Variants in GALK2 observed in about 807,000 individuals in gnomAD.
GALK2 encodes the protein N-acetylgalactosamine kinase.
In GALK2, 36 loss-of-function variants were observed where a neutral mutation model predicts 52.4. The observed-to-expected ratio is 0.69, with a 90% confidence interval of 0.53 to 0.91. The LOEUF (loss-of-function observed/expected upper bound fraction) is 0.91, where lower values mean the gene tolerates loss of function less well. Among genes scored for constraint, GALK2 ranks in the 40% least tolerant of loss-of-function variants. GALK2 has a pLI of 0.00. For synonymous variants in GALK2, 176 were observed against 199.1 expected (o/e 0.88, Z 0.98); for missense variants, 579 against 559.1 (o/e 1.04, Z -0.36).
chr15:49,358,482 T>C (rs895593901), intron 3 of GALK2, among the ~76,000 whole-genome samples: 1 of 144,574 alleles, frequency 6.9e-6, no homozygotes, highest in Non-Finnish European at 1.5e-5. Context: ...GAACTCCCAT[T>C]CACAATTGCT....
At chr15:49,209,858 T>G (rs1033943963) in intron 2 of GALK2, among the ~76,000 whole-genome samples, 1 of 152,230 alleles carries the variant, frequency 6.6e-6, no homozygotes, top group Non-Finnish European at 1.5e-5. Context: ...TAGAATAGTT[T>G]CAAAGAATTC....
At chr15:49,228,929 A>G (rs2090348711) in intron 3 of GALK2, among the ~76,000 whole-genome samples, 1 of 151,508 alleles carries the variant, frequency 6.6e-6, no homozygotes, top group Admixed American at 6.6e-5. Context: ...TGCTGACCTC[A>G]AGTGATCTGC....
At chr15:49,367,303 T>G (rs932951654) in intron 3 of GALK2, 1 of 681,346 alleles carries the variant, frequency 1.5e-6, no homozygotes, top group Non-Finnish European at 2.2e-6. Flanking sequence ...CTACCAAAGT[T>G]TTAAGCATAA....
intron 2 of GALK2, among the ~76,000 whole-genome samples, chr15:49,205,949 T>G (rs1426738269): frequency 6.6e-6 from 1 of 152,232 alleles, no homozygotes. Context: ...CTCCCACATG[T>G]GGCTAGCCAG....
chr15:49,180,318 G>A (rs902322270), intron 1 of GALK2, among the ~76,000 whole-genome samples: 1 of 152,014 alleles, frequency 6.6e-6, no homozygotes, highest in South Asian at 2.1e-4. Flanking sequence ...AGGCTAGCAG[G>A]ATTATCTAAA....
intron 1 of GALK2, among the ~76,000 whole-genome samples, chr15:49,183,844 A>AG (rs2086153044): frequency 6.7e-6 from 1 of 149,654 alleles, no homozygotes; most frequent in Admixed American, 6.7e-5. Context: ...ACTTTGTCTC[A>AG]GAAAAAAAAA....
chr15:49,197,386 C>G (rs1320200402), intron 1 of GALK2, among the ~76,000 whole-genome samples: 1 of 152,018 alleles, frequency 6.6e-6, no homozygotes, highest in African/African-American at 2.4e-5. Flanking sequence ...TCAGTTCTGT[C>G]ATATTATTTT....
intron 3 of GALK2, among the ~76,000 whole-genome samples, chr15:49,361,569 A>T (rs1442627732): frequency 6.6e-6 from 1 of 152,166 alleles, no homozygotes; most frequent in Non-Finnish European, 1.5e-5. Context: ...GCTGCAAAGG[A>T]CATGATCTTG....
chr15:49,265,552 G>A (rs986519007), intron 5 of GALK2, among the ~76,000 whole-genome samples: 7 of 152,224 alleles, frequency 4.6e-5, no homozygotes, highest in Non-Finnish European at 8.8e-5. Flanking sequence ...GCCCTGTTTT[G>A]GCTCGCGCGC....
chr15:49,346,188 C>T (rs1421519186), intron 3 of GALK2, among the ~76,000 whole-genome samples: 1 of 152,122 alleles, frequency 6.6e-6, no homozygotes, highest in Admixed American at 6.5e-5. Context: ...GAAACTTGGG[C>T]CAGCTCCTGT....
Position 49,366,599 on chromosome 15 carries a change from AT to A in GALK2, c.427-890del, listed in dbSNP as rs1028950662. On this transcript the variant is annotated intron_variant, in intron 3 of 3. Transcript: ENST00000558399. Reference sequence around the variant, plus strand: ...TGTGCCATTTCCAGACGCATGCAAGATTGCTTCCTGAGCGGCTGTCAGCTGG... The same window carrying A: ...TGTGCCATTTCCAGACGCATGCAAGATGCTTCCTGAGCGGCTGTCAGCTGG... 2.5e-6 allele frequency: 4 copies of A among 1,600,786 alleles called. No individual in the cohort carries two copies. In the Admixed American group the frequency reaches 6.7e-5, roughly 27 times the overall value.
chr15:49,165,298 A>AAATCTTCAT (rs2084783465), upstream of GALK2, among the ~76,000 whole-genome samples: 1 of 152,236 alleles, frequency 6.6e-6, no homozygotes, highest in African/African-American at 2.4e-5. Context: ...ATGGTTTTTA[A>AAATCTTCAT]AATCTTCATA....
Position 49,235,910 on chromosome 15 carries a change from A to G in GALK2, c.326A>G (p.Asn109Ser), listed in dbSNP as rs1191813096. 1.9e-6 allele frequency: 3 copies of G among 1,613,126 alleles called. No homozygotes were observed. The highest frequency in any genetic ancestry group is 2.2e-5 in the South Asian group (2 of 91,070). The change falls in exon 4 of 10, where the codon AAC (asparagine) becomes AGC (serine). Residue 109 changes from asparagine to serine, a missense_variant. Coordinates refer to ENST00000560031, the MANE Select transcript of GALK2 (RefSeq NM_002044.4). ...QIDKTKPLWH[N>S]YFLCGLKGIQ... ...GATAAAACCAAGCCTTTGTGGCACA[A>G]CTATTTCTTATGTGGACTTAAAGGA... is the stretch of plus-strand genomic sequence containing the variant.
chr15:49,359,397 A>G lies in GALK2; in HGVS notation c.427-8094A>G, dbSNP rs375993109. Among the ~76,000 whole-genome samples the G allele has an allele frequency of 3.4e-5, 4 of 117,376 alleles. 1 individual carries two copies. Among genetic ancestry groups the G allele is most frequent in the Non-Finnish European group, 7.5e-5 (4 of 53,404 alleles). The allele number at this position is 117,376 out of a possible 152,430, so 77.0% of individuals were successfully genotyped here. ...AAACTCAAACAAATTTACAAGAAAA[A>G]AACAAACAACCCCATCAAATAGTGG... On this transcript the variant is annotated intron_variant, in intron 3 of 3. Transcript: ENST00000558399.
chr15:49,319,574 A>T (rs2036716007), intron 8 of GALK2, 30 bp from the exon 9 acceptor site: 6 of 1,602,874 alleles, frequency 3.7e-6, no homozygotes, highest in Admixed American at 1.7e-5. Context: ...ACTATTCCTA[A>T]CCTCCTTCCC....
intron 3 of GALK2, among the ~76,000 whole-genome samples, chr15:49,224,921 T>C (rs1365288945): frequency 6.6e-6 from 1 of 152,242 alleles, no homozygotes; most frequent in Non-Finnish European, 1.5e-5. Flanking sequence ...AGGATCTTTA[T>C]TTGTGGCTAG....
rs115715003 is a variant in GALK2, at chr15:49,281,362, C to T, written c.505-625C>T. Reference sequence around the variant, plus strand: ...CCAGATTTTGGAAGCCTTCGAAATGCCTGGTTGAGGCGTTTAGATTTATTT... The same window carrying T: ...CCAGATTTTGGAAGCCTTCGAAATGTCTGGTTGAGGCGTTTAGATTTATTT... On this transcript the variant is annotated intron_variant, in intron 5 of 9. Transcript: ENST00000560031. Among the ~76,000 whole-genome samples the T allele has an allele frequency of 8.7e-3, 1,319 of 152,236 alleles. 23 individuals are homozygous for T. The highest frequency in any genetic ancestry group is 0.031 in the African/African-American group (1,267 of 41,516).
At chr15:49,279,886 C>T (rs1008998435) in intron 5 of GALK2, among the ~76,000 whole-genome samples, 27 of 152,204 alleles carry the variant, frequency 1.8e-4, no homozygotes, top group African/African-American at 6.3e-4. Flanking sequence ...TGTCAGCAGA[C>T]TATGAACAAT....
chr15:49,318,855 C>A, intron 8 of GALK2: 1 of 428,026 alleles, frequency 2.3e-6, no homozygotes, highest in Non-Finnish European at 4.6e-6. Flanking sequence ...TGTCACTTCA[C>A]TCTATTGAGC....
Sources: allele counts gnomAD v4.1 joint callset (sites outside exome capture counted in the v4.1 genomes callset), GRCh38; gene constraint gnomAD v4.1.1; transcripts MANE v1.5; gene names NCBI Gene and HGNC (gene_info 2026-07-23, HGNC 2026-07-21).